Variants in ANKRD30B observed in about 807,000 individuals in gnomAD.
The protein encoded by ANKRD30B is ankyrin repeat domain 30B, also known as ankyrin repeat domain-containing protein 30B.
ANKRD30B carries 144 observed loss-of-function variants against 202.2 expected under a neutral mutation model. The observed-to-expected ratio is 0.71, with a 90% CI of 0.62 to 0.82. ANKRD30B has a LOEUF of 0.82. ANKRD30B is among the 40% of genes least tolerant of loss of function. ANKRD30B has a pLI of 0.00. For synonymous variants in ANKRD30B, 508 were observed against 561.3 expected (o/e 0.91, Z 1.34); for missense variants, 1,487 against 1,669.1 (o/e 0.89, Z 1.90).
At chr18:14,763,092 C>CTTA (rs1025940543) in intron 6 of ANKRD30B, among the ~76,000 whole-genome samples, 5 of 151,774 alleles carry the variant, frequency 3.3e-5, no homozygotes, top group Non-Finnish European at 5.9e-5. Context: ...AAGCATTTTT[C>CTTA]TTATTATTAT....
intron 24 of ANKRD30B, 49 bp from the exon 25 acceptor site, chr18:14,808,502 C>T (rs942316834): frequency 1.5e-6 from 2 of 1,352,982 alleles, no homozygotes; most frequent in Non-Finnish European, 2.1e-6. Context: ...GCTTGGTAGG[C>T]TTTGTCAGGC....
chr18:14,757,741 A>G (rs1364838773), intron 4 of ANKRD30B, 74 bp from the exon 5 acceptor site: 10 of 1,466,294 alleles, frequency 6.8e-6, no homozygotes, highest in African/African-American at 1.4e-5. Flanking sequence ...GTACATGTAA[A>G]TGGTTAATTC....
chr18:14,937,744 T>C, the ANKRD30B span, among the ~76,000 whole-genome samples: 5 of 152,340 alleles, frequency 3.3e-5, no homozygotes, highest in Admixed American at 6.5e-5. Flanking sequence ...GCTTTGCCTT[T>C]CGTTGCTTCG....
chr18:14,852,503 T>TAC (rs1971935803), intron 42 of ANKRD30B, 83 bp downstream of exon 42: 1 of 1,421,896 alleles, frequency 7.0e-7, no homozygotes, highest in African/African-American at 1.4e-5. Flanking sequence ...GTTGAATATA[T>TAC]ATATATATAA....
intron 39 of ANKRD30B, among the ~76,000 whole-genome samples, chr18:14,844,166 A>G (rs1971535717): frequency 1.3e-5 from 2 of 152,246 alleles, no homozygotes; most frequent in Non-Finnish European, 2.9e-5. Context: ...ATTCCATTAT[A>G]TAACTGCACC....
chr18:14,855,405 C>T (rs200217229), downstream of ANKRD30B, among the ~76,000 whole-genome samples: 12 of 152,348 alleles, frequency 7.9e-5, no homozygotes, highest in East Asian at 3.9e-4. Flanking sequence ...GGTCCGTTCC[C>T]GATGGTGGCT....
At chr18:14,919,865 G>T in the ANKRD30B span, among the ~76,000 whole-genome samples, 1 of 152,210 alleles carries the variant, frequency 6.6e-6, no homozygotes, top group Non-Finnish European at 1.5e-5. Flanking sequence ...CTGGACTTAG[G>T]CCAAGCTGGG....
chr18:14,793,266 A>T (rs1376262685), intron 16 of ANKRD30B, among the ~76,000 whole-genome samples: 3 of 152,124 alleles, frequency 2.0e-5, no homozygotes, highest in Non-Finnish European at 2.9e-5. Flanking sequence ...TCAAATCTAC[A>T]TTCAGCTGAA....
intron 16 of ANKRD30B, among the ~76,000 whole-genome samples, chr18:14,792,937 C>A (rs1342844063): frequency 6.6e-6 from 1 of 152,052 alleles, no homozygotes; most frequent in African/African-American, 2.4e-5. Context: ...GACTTGAATA[C>A]TTAAATTGTT....
the ANKRD30B span, among the ~76,000 whole-genome samples, chr18:14,875,929 A>C: frequency 1.9e-4 from 29 of 152,218 alleles, no homozygotes; most frequent in East Asian, 5.4e-3. Context: ...GTGCTAACAC[A>C]ATCCCTGCTA....
At chr18:14,849,745 A>C (rs1488081779) in intron 40 of ANKRD30B, among the ~76,000 whole-genome samples, 2 of 151,670 alleles carry the variant, frequency 1.3e-5, no homozygotes, top group African/African-American at 2.4e-5. Flanking sequence ...TGAGATCATA[A>C]TATTCAAATT....
At chr18:14,876,622 C>T in the ANKRD30B span, among the ~76,000 whole-genome samples, 2 of 152,166 alleles carry the variant, frequency 1.3e-5, no homozygotes, top group South Asian at 4.1e-4. Context: ...GAAGGACTTC[C>T]AAACAAATGC....
intron 10 of ANKRD30B, 47 bp downstream of exon 10, chr18:14,778,122 C>G: frequency 7.7e-7 from 1 of 1,297,566 alleles, no homozygotes. Flanking sequence ...AAATGTTTGT[C>G]TAAATTCATG....
At chr18:14,847,093 T>TATATATAG (rs1292553217) in intron 39 of ANKRD30B, among the ~76,000 whole-genome samples, 60 of 131,394 alleles carry the variant, frequency 4.6e-4, no homozygotes, top group African/African-American at 1.5e-3. Flanking sequence ...TATATATATA[T>TATATATAG]GTATAATGTT....
chr18:14,779,269 C>G (rs371917026), intron 10 of ANKRD30B, among the ~76,000 whole-genome samples: 1 of 152,186 alleles, frequency 6.6e-6, no homozygotes, highest in East Asian at 1.9e-4. Flanking sequence ...ATTTAGGTTA[C>G]TTACAGCAAT....
chr18:14,763,871 C>G lies in ANKRD30B; in HGVS notation c.1006C>G (p.Pro336Ala). 1.2e-6 allele frequency: 2 copies of G among 1,612,766 alleles called. No homozygotes were observed. Among genetic ancestry groups the G allele is most frequent in the South Asian group, 1.1e-5 (1 of 90,838 alleles). Residue 336 changes from proline to alanine, a missense_variant, in exon 7 of 44, where the codon CCT (proline) becomes GCT (alanine). Transcript: ENST00000690538. ...GKFEQSTEET[P>A]RKILRPTKET... ...GTTTGAACAGTCAACAGAAGAAACACCTAGGAAAATTTTGAGGCCTACAAA... is the reference window on the plus strand; with the variant it reads ...GTTTGAACAGTCAACAGAAGAAACAGCTAGGAAAATTTTGAGGCCTACAAA...
chr18:14,858,711 T>C (rs1183421361), downstream of ANKRD30B, among the ~76,000 whole-genome samples: 1 of 146,296 alleles, frequency 6.8e-6, no homozygotes, highest in Non-Finnish European at 1.5e-5. Context: ...GAGGCACTCC[T>C]CACCTCCCAG....
At chr18:14,784,012 T>C (rs1304880608) in intron 12 of ANKRD30B, among the ~76,000 whole-genome samples, 1 of 152,182 alleles carries the variant, frequency 6.6e-6, no homozygotes, top group Non-Finnish European at 1.5e-5. Context: ...ATAAATGATT[T>C]TAATGTGTTT....
chr18:14,872,418 C>G, the ANKRD30B span, among the ~76,000 whole-genome samples: 1 of 152,128 alleles, frequency 6.6e-6, no homozygotes, highest in African/African-American at 2.4e-5. Context: ...TCACTCTGAG[C>G]TTTTTTGCAT....
Sources: allele counts gnomAD v4.1 joint callset (sites outside exome capture counted in the v4.1 genomes callset), GRCh38; gene constraint gnomAD v4.1.1; transcripts MANE v1.5; gene names NCBI Gene and HGNC (gene_info 2026-07-23, HGNC 2026-07-21).